BAIAP2L2: variants seen among roughly 807,000 people sequenced by gnomAD.
The protein encoded by BAIAP2L2 is BAR/IMD domain-containing adapter protein 2-like 2.
Under a neutral mutation model 60.4 loss-of-function variants are expected in BAIAP2L2, and 65 were observed. That is an observed-to-expected ratio of 1.08 (90% CI 0.88 to 1.32). The LOEUF is 1.32. Ranked by LOEUF, BAIAP2L2 falls within the 40% of genes most tolerant of loss-of-function variation. The pLI is 0.00. For synonymous variants in BAIAP2L2, 344 were observed against 301.7 expected, an observed-to-expected ratio of 1.14 and a Z score of -1.45; for missense variants, 836 against 741.2, an observed-to-expected ratio of 1.13 and a Z score of -1.48.
Position 38,097,023 on chromosome 22 carries a change from C to A in BAIAP2L2, c.612+9G>T, listed in dbSNP as rs2086448104. The A allele has an allele frequency of 1.9e-6, 3 of 1,607,744 alleles. No homozygotes were observed. The East Asian group carries it at 6.7e-5, about 36-fold the overall frequency. ...AGCGCCCCGCTTGCTGCCCCCCAGT[C>A]CAACTCACCCGGCCGAAGAACTGCA... On this transcript the variant is annotated intron_variant, in intron 7 of 13. Transcript: ENST00000381669.
At chr22:38,098,020 C>CCCCCCCCCT in intron 6 of BAIAP2L2, 43 bp downstream of exon 6, 2 of 817,902 alleles carry the variant, frequency 2.4e-6, no homozygotes, top group Non-Finnish European at 4.0e-6. Context: ...GAGGTCTGCC[C>CCCCCCCCCT]ACCCGCCCTT....
At chr22:38,097,007 C>T (rs757793267) in intron 7 of BAIAP2L2, 25 bp downstream of exon 7, 4 of 1,597,620 alleles carry the variant, frequency 2.5e-6, no homozygotes, top group Non-Finnish European at 3.4e-6. Context: ...AAGCGCCCCG[C>T]TTGCTGCCCC....
intron 2 of BAIAP2L2, 37 bp downstream of exon 2, chr22:38,109,096 C>G: frequency 6.4e-7 from 1 of 1,566,286 alleles, no homozygotes; most frequent in Non-Finnish European, 8.8e-7. Flanking sequence ...CAGCAGAGGC[C>G]CAGGGCTGGG....
At chr22:38,109,633 G>C (rs191903767) in intron 1 of BAIAP2L2, among the ~76,000 whole-genome samples, 1 of 152,136 alleles carries the variant, frequency 6.6e-6, no homozygotes, top group Admixed American at 6.5e-5. Flanking sequence ...AGTCACCCCC[G>C]GGGCAAGGGC....
At position 38,097,261 on chromosome 22, in the gene BAIAP2L2, G is replaced by A. The variant is rs1295911865; in HGVS notation, c.466-83C>T. The A allele has an allele frequency of 3.3e-6, 5 of 1,521,444 alleles. No homozygotes were observed. The African/African-American group carries it at 5.5e-5, about 17-fold the overall frequency. 94.2% of individuals were successfully genotyped at this position (1,521,444 alleles called of 1,614,324 possible). A position where few individuals can be genotyped will look rare whatever the true frequency, so the allele number is the denominator to read the frequency against. On this transcript the variant is annotated intron_variant, in intron 6 of 13. Coordinates refer to ENST00000381669, the MANE Select transcript of BAIAP2L2 (RefSeq NM_025045.6). ...TCGCCCACAGGCGCCAGCTGTTCAA[G>A]CCCCCTGTTCTTCCTGACTGCCCTC...
intron 5 of BAIAP2L2, 41 bp downstream of exon 5, chr22:38,098,370 C>A: frequency 6.3e-7 from 1 of 1,592,936 alleles, no homozygotes; most frequent in Non-Finnish European, 8.6e-7. Flanking sequence ...GGGGGTCCTG[C>A]CTGCAGTGAG....
intron 4 of BAIAP2L2, among the ~76,000 whole-genome samples, chr22:38,101,542 G>A (rs2086568916): frequency 1.4e-5 from 1 of 70,114 alleles, no homozygotes. Context: ...GTGAGATCCT[G>A]TCTCAAAAAA....
intron 5 of BAIAP2L2, 33 bp downstream of exon 5, chr22:38,098,378 G>T: frequency 6.2e-7 from 1 of 1,603,866 alleles, no homozygotes; most frequent in Non-Finnish European, 8.5e-7. Context: ...TGCCTGCAGT[G>T]AGTTGGGGGC....
At chr22:38,105,442 C>T (rs1417689340) in intron 4 of BAIAP2L2, among the ~76,000 whole-genome samples, 1 of 150,064 alleles carries the variant, frequency 6.7e-6, no homozygotes, top group Non-Finnish European at 1.5e-5. Context: ...CAGGTTCAAG[C>T]GATTCTCCTG....
chr22:38,108,820 T>A (rs1485147825), intron 2 of BAIAP2L2, among the ~76,000 whole-genome samples: 1 of 151,806 alleles, frequency 6.6e-6, no homozygotes, highest in Non-Finnish European at 1.5e-5. Context: ...CCTAGAAATG[T>A]ATGCACTGTC....
At chr22:38,107,830 G>A (rs1490433017) in intron 4 of BAIAP2L2, 22 bp downstream of exon 4, 2 of 1,611,030 alleles carry the variant, frequency 1.2e-6, no homozygotes, top group African/African-American at 1.3e-5. Context: ...GACCCCTCCA[G>A]GCCCTGGGGC....
At chr22:38,087,573 C>T (rs1261658655) in intron 10 of BAIAP2L2, among the ~76,000 whole-genome samples, 4 of 152,058 alleles carry the variant, frequency 2.6e-5, no homozygotes, top group Non-Finnish European at 5.9e-5. Context: ...TGCAGCACAC[C>T]GTCCTCTGCT....
chr22:38,095,405 C>T (rs1057446873), intron 7 of BAIAP2L2, among the ~76,000 whole-genome samples: 1 of 152,174 alleles, frequency 6.6e-6, no homozygotes, highest in Admixed American at 6.5e-5. Flanking sequence ...CACTCTGTCG[C>T]CCAGACTGGA....
At position 38,088,964 on chromosome 22, in the gene BAIAP2L2, G is replaced by C. The variant is rs781592542; in HGVS notation, c.902C>G (p.Ser301Cys). ...RRSLPRTPSA[S>C]SLYSGSAQSS... Reference sequence around the variant, plus strand: ...TTGGGCGCTGCCGCTGTAGAGCGAGGCTGTGGGCGGGAGAGCGCGGCGGCA... The same window carrying C: ...TTGGGCGCTGCCGCTGTAGAGCGAGCCTGTGGGCGGGAGAGCGCGGCGGCA... Residue 301 changes from serine (S) to cysteine (C), a missense_variant and splice_region_variant, in exon 10 of 14, where the codon TCC becomes TGC. By Grantham distance (112) the Ser-to-Cys change is moderately radical. Coordinates refer to ENST00000381669, the MANE Select transcript of BAIAP2L2 (RefSeq NM_025045.6). 6.6e-7 allele frequency: 1 copy of C among 1,517,912 alleles called. No individual in the cohort carries two copies. Among genetic ancestry groups the C allele is most frequent in the East Asian group, 2.5e-5 (1 of 39,884 alleles). 94.0% of individuals were successfully genotyped at this position (1,517,912 alleles called of 1,614,324 possible).
chr22:38,107,743 G>A lies in BAIAP2L2; in HGVS notation c.276+109C>T, dbSNP rs923334651. 11 of 1,058,870 alleles carry A rather than the reference G, an allele frequency of 1.0e-5. No homozygotes were observed. In the African/African-American group the frequency reaches 1.3e-4, roughly 12 times the overall value. The allele number at this position is 1,058,870 out of a possible 1,614,324, so 65.6% of individuals were successfully genotyped here. The stretch of plus-strand genomic sequence containing the variant: ...ACAGAGCCGGGTGCTGGGAAGGGCA[G>A]CCACGGTCATCCTCCCTGGGAAGGG... On this transcript the variant is annotated intron_variant, in intron 4 of 13. Coordinates refer to ENST00000381669, the MANE Select transcript of BAIAP2L2 (RefSeq NM_025045.6).
At position 38,085,251 on chromosome 22, in the gene BAIAP2L2, G is replaced by C. The variant is rs776443084; in HGVS notation, c.*49C>G. 6 of 1,578,894 alleles carry C rather than the reference G, an allele frequency of 3.8e-6. No individual in the cohort carries two copies. The highest frequency in any genetic ancestry group is 5.2e-6 in the Non-Finnish European group (6 of 1,149,986). On this transcript the variant is annotated 3_prime_UTR_variant, in exon 14 of 14. Coordinates refer to ENST00000381669, the MANE Select transcript of BAIAP2L2 (RefSeq NM_025045.6). ...TGCTGTCGCTGCCATTGCCAGCTCT[G>C]AACAGCCCCTGGGCAGGTGCACTGT...
At chr22:38,086,844 A>G (rs1221893436) in intron 11 of BAIAP2L2, among the ~76,000 whole-genome samples, 1 of 151,878 alleles carries the variant, frequency 6.6e-6, no homozygotes, top group Non-Finnish European at 1.5e-5. Context: ...AAAAATACAA[A>G]AAGTAGCCAG....
At chr22:38,103,029 G>A (rs534487171) in intron 4 of BAIAP2L2, among the ~76,000 whole-genome samples, 12 of 150,846 alleles carry the variant, frequency 8.0e-5, no homozygotes, top group African/African-American at 2.4e-4. Flanking sequence ...CTGGGAGACA[G>A]AGTGACACTC....
At chr22:38,106,572 C>T (rs961442888) in intron 4 of BAIAP2L2, among the ~76,000 whole-genome samples, 3 of 149,790 alleles carry the variant, frequency 2.0e-5, no homozygotes, top group Non-Finnish European at 4.5e-5. Context: ...GCCCAACTGA[C>T]TAGTATTTTA....
Sources: allele counts gnomAD v4.1 joint callset (sites outside exome capture counted in the v4.1 genomes callset), GRCh38; gene constraint gnomAD v4.1.1; transcripts MANE v1.5; gene names NCBI Gene and HGNC (gene_info 2026-07-23, HGNC 2026-07-21).